The following PARL variants were observed in gnomAD, a reference collection of about 807,000 sequenced individuals.
PARL encodes presenilin associated rhomboid like.
Under a neutral mutation model 51.6 loss-of-function variants are expected in PARL, and 44 were observed. The observed-to-expected ratio is 0.85, with a 90% CI of 0.67 to 1.10. PARL has a LOEUF of 1.10. Ranked by LOEUF, PARL falls within the 50% of genes least tolerant of loss-of-function variation. PARL has a pLI of 0.00. For missense variants in PARL, 441 were observed against 469.5 expected (o/e 0.94, Z 0.56); for synonymous variants, 172 against 164.0 (o/e 1.05, Z -0.37).
At position 183,867,959 on chromosome 3, in the gene PARL, C is replaced by G. The variant is rs755025112; in HGVS notation, c.227G>C (p.Arg76Thr). ...DPGTSGEAYK[R>T]SALIPPVEET... ...TTCCACAGGAGGAATCAAAGCACTTCTCTTGTATGCTTCACCACTTGTCCC... is the reference window on the plus strand; with the variant it reads ...TTCCACAGGAGGAATCAAAGCACTTGTCTTGTATGCTTCACCACTTGTCCC... The change falls in exon 2 of 10, where the codon AGA (arginine) becomes ACA (threonine). Residue 76 changes from arginine (R) to threonine (T), a missense_variant. Transcript: ENST00000317096. The G allele has an allele frequency of 9.9e-6, 16 of 1,613,818 alleles. No homozygotes were observed. The highest frequency in any genetic ancestry group is 6.7e-5 in the East Asian group (3 of 44,888).
intron 1 of PARL, among the ~76,000 whole-genome samples, chr3:183,883,425 T>C (rs1734780091): frequency 6.6e-6 from 1 of 152,086 alleles, no homozygotes; most frequent in African/African-American, 2.4e-5. Context: ...CCCGCCACCA[T>C]GCCCCGCTAA....
chr3:183,881,883 G>C (rs954446578), intron 1 of PARL, among the ~76,000 whole-genome samples: 5 of 152,030 alleles, frequency 3.3e-5, no homozygotes, highest in African/African-American at 1.2e-4. Context: ...ATATACGATT[G>C]ACTAATATGT....
intron 1 of PARL, among the ~76,000 whole-genome samples, chr3:183,876,247 G>A (rs567734542): frequency 2.0e-5 from 3 of 152,162 alleles, no homozygotes; most frequent in African/African-American, 4.8e-5. Flanking sequence ...GGGTTTCACC[G>A]TGTTGGCCAG....
intron 4 of PARL, among the ~76,000 whole-genome samples, chr3:183,849,322 A>G (rs1230001492): frequency 1.3e-5 from 2 of 152,222 alleles, no homozygotes; most frequent in Admixed American, 6.5e-5. Flanking sequence ...CACTAAAATT[A>G]TACAAACTAT....
chr3:183,869,300 C>A (rs1319429464), intron 1 of PARL, among the ~76,000 whole-genome samples: 1 of 148,762 alleles, frequency 6.7e-6, no homozygotes, highest in African/African-American at 2.5e-5. Flanking sequence ...TCTGCCTCCC[C>A]AGATGCAAGT....
intron 4 of PARL, among the ~76,000 whole-genome samples, chr3:183,845,211 A>C (rs1185687547): frequency 5.3e-5 from 8 of 152,128 alleles, no homozygotes; most frequent in African/African-American, 1.9e-4. Flanking sequence ...TTACTTTAGA[A>C]AACATTCTTT....
chr3:183,868,949 T>G (rs1184660765), intron 1 of PARL, among the ~76,000 whole-genome samples: 10 of 152,200 alleles, frequency 6.6e-5, no homozygotes, highest in Non-Finnish European at 1.5e-5. Context: ...AAAAAAATTT[T>G]GTTGTTTGAG....
At chr3:183,841,268 C>G (rs1366758982) in intron 6 of PARL, among the ~76,000 whole-genome samples, 1 of 152,174 alleles carries the variant, frequency 6.6e-6, no homozygotes, top group African/African-American at 2.4e-5. Context: ...GAAACAGACC[C>G]TCTGTAACTA....
rs1296514280 is a variant in PARL at position 183,862,820 on chromosome 3, T to G, written c.463-19A>C. On this transcript the variant is annotated intron_variant, in intron 3 of 9. Transcript: ENST00000317096. ...TGTTAATCTAAAACAGACAGAAAAT[T>G]GCATCACCACATGTGAGAAATTTCA... is the stretch of plus-strand genomic sequence containing the variant. 23 of 1,605,606 alleles carry G rather than the reference T, an allele frequency of 1.4e-5. No individual in the cohort carries two copies. In the South Asian group the frequency reaches 2.5e-4, roughly 18 times the overall value.
At chr3:183,833,885 A>G (rs1728249358) in intron 7 of PARL, 60 bp from the exon 8 acceptor site, 1 of 1,032,714 alleles carries the variant, frequency 9.7e-7, no homozygotes, top group South Asian at 1.3e-5. Context: ...TAGTGGCTAC[A>G]AGGTCTAAAG....
intron 4 of PARL, among the ~76,000 whole-genome samples, chr3:183,855,424 G>T (rs768028125): frequency 1.3e-5 from 2 of 152,068 alleles, no homozygotes; most frequent in Non-Finnish European, 2.9e-5. Context: ...TTACAAGTGT[G>T]GGCCACCACA....
chr3:183,844,373 G>T, intron 4 of PARL, 47 bp from the exon 5 acceptor site: 1 of 1,203,978 alleles, frequency 8.3e-7, no homozygotes, highest in Non-Finnish European at 1.2e-6. Flanking sequence ...AATGAAAGCA[G>T]GAAAGTCTGA....
intron 4 of PARL, among the ~76,000 whole-genome samples, chr3:183,859,343 T>C (rs1731537661): frequency 6.6e-6 from 1 of 152,070 alleles, no homozygotes; most frequent in South Asian, 2.1e-4. Flanking sequence ...GGGGAGGTTT[T>C]TGTTGTTGTT....
chr3:183,867,913 A>G lies in PARL; in HGVS notation c.273T>C (p.Ser91=), dbSNP rs202091557. The change falls in exon 2 of 10, where the codon TCT becomes TCC. Residue 91 remains serine (S), a synonymous_variant. Coordinates refer to ENST00000317096, the MANE Select transcript of PARL (RefSeq NM_018622.7). ...TTATGAGACTCCTTATAGGATAGGG[A>G]GAAGGATAAAAGACTGTTTCTTCCA... The part of the protein sequence containing the change: ...PPVEETVFYP[S]PYPIRSLIKP... 3 of 1,613,914 alleles carry G rather than the reference A, an allele frequency of 1.9e-6. No homozygotes were observed. Among genetic ancestry groups the G allele is most frequent in the African/African-American group, 2.7e-5 (2 of 75,010 alleles).
chr3:183,858,825 C>G (rs1196560738), intron 4 of PARL, among the ~76,000 whole-genome samples: 3 of 151,686 alleles, frequency 2.0e-5, no homozygotes, highest in Non-Finnish European at 2.9e-5. Flanking sequence ...GCTTGCCCCA[C>G]AAATACCTAG....
intron 1 of PARL, among the ~76,000 whole-genome samples, chr3:183,872,012 T>C (rs1175576676): frequency 6.6e-6 from 1 of 151,740 alleles, no homozygotes; most frequent in Non-Finnish European, 1.5e-5. Flanking sequence ...TTTTTTTTTT[T>C]TTTTTTGAGA....
chr3:183,883,155 A>G (rs899414097), intron 1 of PARL, among the ~76,000 whole-genome samples: 4 of 152,140 alleles, frequency 2.6e-5, no homozygotes, highest in Non-Finnish European at 5.9e-5. Flanking sequence ...TTTATACTCA[A>G]TTTTTACTAG....
intron 4 of PARL, among the ~76,000 whole-genome samples, chr3:183,858,539 A>G (rs1731421654): frequency 6.6e-6 from 1 of 152,174 alleles, no homozygotes; most frequent in Admixed American, 6.5e-5. Context: ...ATCAAAAATA[A>G]TAATTTAGCT....
intron 4 of PARL, among the ~76,000 whole-genome samples, chr3:183,860,814 C>CTTTT (rs11405513): frequency 3.9e-5 from 5 of 126,732 alleles, no homozygotes; most frequent in East Asian, 2.4e-4. Flanking sequence ...AATTTCGTTA[C>CTTTT]TTTTTTTTTT....
Sources: allele counts gnomAD v4.1 joint callset (sites outside exome capture counted in the v4.1 genomes callset), GRCh38; gene constraint gnomAD v4.1.1; transcripts MANE v1.5; gene names NCBI Gene and HGNC (gene_info 2026-07-23, HGNC 2026-07-21).